GOLM1: variants seen among roughly 807,000 people sequenced by gnomAD.
The protein encoded by GOLM1 is epididymis luminal protein 46.
In GOLM1, 31 loss-of-function variants were observed where a neutral mutation model predicts 50.5. The observed-to-expected ratio is 0.61, with a 90% CI of 0.46 to 0.83. The LOEUF (loss-of-function observed/expected upper bound fraction) is 0.83. Ranked by LOEUF, GOLM1 falls within the 40% of genes least tolerant of loss-of-function variation. GOLM1 has a pLI of 0.00. For missense variants in GOLM1, 491 were observed against 501.3 expected, an observed-to-expected ratio of 0.98 and a Z score of 0.20; for synonymous variants, 178 against 192.8, an observed-to-expected ratio of 0.92 and a Z score of 0.64.
At chr9:86,029,826 C>T (rs1832914550) in intron 9 of GOLM1, among the ~76,000 whole-genome samples, 1 of 152,210 alleles carries the variant, frequency 6.6e-6, no homozygotes, top group African/African-American at 2.4e-5. Context: ...TGCACAAGGT[C>T]AAGTCCTTAG....
intron 1 of GOLM1, 124 bp from the exon 2 acceptor site, chr9:86,079,465 C>G: frequency 1.4e-6 from 1 of 705,752 alleles, no homozygotes. Context: ...GTAGCTTCTC[C>G]TTGACGTGCA....
chr9:86,055,552 G>T (rs1207894083), intron 3 of GOLM1, among the ~76,000 whole-genome samples: 1 of 152,180 alleles, frequency 6.6e-6, no homozygotes, highest in East Asian at 1.9e-4. Context: ...GGTCACAGAT[G>T]AATGAATGGA....
At chr9:86,035,051 G>A (rs1833091148) in intron 8 of GOLM1, 1 of 985,132 alleles carries the variant, frequency 1.0e-6, no homozygotes, top group South Asian at 4.7e-5. Context: ...ACAAAAATGG[G>A]GCATGTGGCC....
At chr9:86,086,869 T>C (rs1452648958) in intron 1 of GOLM1, among the ~76,000 whole-genome samples, 1 of 152,190 alleles carries the variant, frequency 6.6e-6, no homozygotes, top group Non-Finnish European at 1.5e-5. Context: ...TGTGGTACAG[T>C]TTGAAGTCAG....
intron 9 of GOLM1, among the ~76,000 whole-genome samples, chr9:86,031,590 T>C (rs750643555): frequency 1.3e-5 from 2 of 150,896 alleles, no homozygotes; most frequent in African/African-American, 2.4e-5. Context: ...GCCTCCCAAG[T>C]AGCTGGGATT....
chr9:86,086,700 T>TA (rs1834973754), intron 1 of GOLM1, among the ~76,000 whole-genome samples: 1 of 152,260 alleles, frequency 6.6e-6, no homozygotes, highest in Non-Finnish European at 1.5e-5. Context: ...TGCCATTTAT[T>TA]AAACAGGGAA....
At chr9:86,088,329 T>C (rs1252939436) in intron 1 of GOLM1, among the ~76,000 whole-genome samples, 4 of 150,458 alleles carry the variant, frequency 2.7e-5, no homozygotes, top group African/African-American at 9.8e-5. Flanking sequence ...GTCTTCTCTC[T>C]TTTCTTCTTT....
chr9:86,094,092 T>C (rs2118908533), intron 1 of GOLM1, among the ~76,000 whole-genome samples: 1 of 152,020 alleles, frequency 6.6e-6, no homozygotes, highest in East Asian at 1.9e-4. Flanking sequence ...CTGGAAATAT[T>C]CCACCCTGTC....
chr9:86,044,252 A>G (rs1002321896), intron 5 of GOLM1, among the ~76,000 whole-genome samples: 24 of 152,352 alleles, frequency 1.6e-4, no homozygotes, highest in African/African-American at 5.1e-4. Flanking sequence ...GCATAGCTGA[A>G]TAAGATTCCA....
At chr9:86,065,072 C>G (rs1834270194) in intron 3 of GOLM1, among the ~76,000 whole-genome samples, 1 of 152,216 alleles carries the variant, frequency 6.6e-6, no homozygotes, top group African/African-American at 2.4e-5. Context: ...GTCTCACGCT[C>G]TACGCTGGGC....
Position 86,026,754 on chromosome 9 carries a change from G to C in GOLM1, c.*1063C>G. On this transcript the variant is annotated 3_prime_UTR_variant, in exon 10 of 10. Transcript: ENST00000388712. ...TGTTATTGTGAATTAGGATTAAGTA[G>C]TAATTTTCAAAATTCACATTAACTT... 2.0e-6 allele frequency: 2 copies of C among 982,596 alleles called. No individual in the cohort carries two copies. The highest frequency in any genetic ancestry group is 3.5e-5 in the African/African-American group (2 of 57,286). The allele number at this position is 982,596 out of a possible 1,614,324, so 60.9% of individuals were successfully genotyped here.
At chr9:86,056,574 T>C (rs1441481543) in intron 3 of GOLM1, among the ~76,000 whole-genome samples, 2 of 151,320 alleles carry the variant, frequency 1.3e-5, no homozygotes, top group African/African-American at 2.4e-5. Flanking sequence ...GGCGTGATCT[T>C]GGCTCAAAGC....
intron 3 of GOLM1, among the ~76,000 whole-genome samples, chr9:86,053,723 A>G (rs1038753111): frequency 1.8e-3 from 1 of 570 alleles, no homozygotes; most frequent in Non-Finnish European, 4.4e-3. Flanking sequence ...CGCATCACAG[A>G]CTGCTCCACT....
rs1185541337 is a variant in GOLM1, at chr9:86,099,530, G to C, written c.-141C>G. On this transcript the variant is annotated 5_prime_UTR_variant, in exon 1 of 10. Transcript: ENST00000388712. ...GCCGGCTCCGCGCCGTGCGCCCAGC[G>C]CCTCCGCGTCCAGCGCCGCCGCGTC... The C allele has an allele frequency of 1.3e-5, 2 of 148,672 alleles. No homozygotes were observed. Among genetic ancestry groups the C allele is most frequent in the South Asian group, 4.2e-4 (2 of 4,782 alleles). The allele number at this position is 148,672 out of a possible 1,614,324, so 9.2% of individuals were successfully genotyped here.
chr9:86,036,817 T>C (rs1016308325), intron 6 of GOLM1: 2 of 360,822 alleles, frequency 5.5e-6, no homozygotes, highest in Non-Finnish European at 1.0e-5. Flanking sequence ...AAAAAAGACA[T>C]GAACGACACA....
chr9:86,091,387 C>T (rs1328281828), intron 1 of GOLM1, among the ~76,000 whole-genome samples: 4 of 151,914 alleles, frequency 2.6e-5, no homozygotes, highest in African/African-American at 4.8e-5. Flanking sequence ...ATTTAAAACT[C>T]CTTTTTGATG....
chr9:86,078,851 G>A (rs565762111), intron 2 of GOLM1, among the ~76,000 whole-genome samples: 3 of 152,308 alleles, frequency 2.0e-5, no homozygotes, highest in East Asian at 3.9e-4. Flanking sequence ...GGGCGCCGGA[G>A]GACCGCAAAC....
At chr9:86,031,260 A>G (rs1488315834) in intron 9 of GOLM1, among the ~76,000 whole-genome samples, 1 of 151,998 alleles carries the variant, frequency 6.6e-6, no homozygotes, top group Non-Finnish European at 1.5e-5. Flanking sequence ...CCGAAACTGA[A>G]GTGAAGTAGT....
chr9:86,095,537 C>CG (rs1835333910), intron 1 of GOLM1, among the ~76,000 whole-genome samples: 2 of 151,998 alleles, frequency 1.3e-5, no homozygotes, highest in South Asian at 4.1e-4. Context: ...CATGAGCCAA[C>CG]GTGCCTGGCC....
Sources: allele counts gnomAD v4.1 joint callset (sites outside exome capture counted in the v4.1 genomes callset), GRCh38; gene constraint gnomAD v4.1.1; transcripts MANE v1.5; gene names NCBI Gene and HGNC (gene_info 2026-07-23, HGNC 2026-07-21).